Variants in SCFD2 observed in about 807,000 individuals in gnomAD.
SCFD2 encodes the protein sec1 family domain containing 2, also known as sec1 family domain-containing protein 2.
In SCFD2, 54 loss-of-function variants were observed where a neutral mutation model predicts 58.9. The ratio of observed to expected loss-of-function variants is 0.92; its 90% confidence interval spans 0.74 to 1.15. SCFD2 has a LOEUF of 1.15. Among genes scored for constraint, SCFD2 ranks in the 50% most tolerant of loss-of-function variants. The pLI, the probability that SCFD2 is intolerant of heterozygous loss-of-function variation, is 0.00. For synonymous variants in SCFD2, 321 were observed against 335.9 expected, an observed-to-expected ratio of 0.96 and a Z score of 0.49; for missense variants, 805 against 836.6, an observed-to-expected ratio of 0.96 and a Z score of 0.47.
intron 5 of SCFD2, among the ~76,000 whole-genome samples, chr4:53,072,841 T>C (rs1560323508): frequency 7.1e-6 from 1 of 140,378 alleles, no homozygotes; most frequent in East Asian, 2.2e-4. Flanking sequence ...AACTCACTCC[T>C]TGTGTGTCCG....
At chr4:52,880,507 C>G (rs1718583684) in intron 8 of SCFD2, among the ~76,000 whole-genome samples, 1 of 150,914 alleles carries the variant, frequency 6.6e-6, no homozygotes, top group Admixed American at 6.6e-5. Context: ...ATCCTAGCTA[C>G]TCGGGAGGCT....
chr4:52,928,795 C>A (rs936918565), intron 5 of SCFD2, among the ~76,000 whole-genome samples: 1 of 152,112 alleles, frequency 6.6e-6, no homozygotes, highest in South Asian at 2.1e-4. Context: ...ACTCTGGACT[C>A]GCCTTGCATG....
intron 4 of SCFD2, among the ~76,000 whole-genome samples, chr4:53,190,612 A>C (rs975802055): frequency 1.3e-5 from 2 of 151,232 alleles, no homozygotes; most frequent in Non-Finnish European, 2.9e-5. Context: ...TGATTCACTT[A>C]TTTATTTTCT....
At chr4:53,296,475 G>C (rs1035528301) in intron 3 of SCFD2, among the ~76,000 whole-genome samples, 1 of 152,122 alleles carries the variant, frequency 6.6e-6, no homozygotes, top group Non-Finnish European at 1.5e-5. Flanking sequence ...TGTGGGATCG[G>C]TGGTGATATA....
chr4:52,974,899 G>A (rs977698934), intron 5 of SCFD2, among the ~76,000 whole-genome samples: 6 of 152,076 alleles, frequency 3.9e-5, no homozygotes, highest in African/African-American at 1.4e-4. Context: ...TGACAAACCT[G>A]ACAAAAACAA....
At chr4:52,912,045 T>A (rs982200650) in intron 6 of SCFD2, among the ~76,000 whole-genome samples, 6 of 152,160 alleles carry the variant, frequency 3.9e-5, no homozygotes, top group Non-Finnish European at 5.9e-5. Flanking sequence ...ACCTTTCTTT[T>A]TTTTTCAAGC....
intron 5 of SCFD2, among the ~76,000 whole-genome samples, chr4:53,035,959 G>C (rs551170023): frequency 1.3e-5 from 2 of 152,158 alleles, no homozygotes; most frequent in Non-Finnish European, 2.9e-5. Context: ...CATTGACCCA[G>C]CAATCCCATT....
chr4:53,257,978 G>T (rs1164163953), intron 4 of SCFD2, among the ~76,000 whole-genome samples: 2 of 152,088 alleles, frequency 1.3e-5, no homozygotes, highest in African/African-American at 4.8e-5. Flanking sequence ...TTGGCTGCAA[G>T]AGAAACTTAA....
intron 3 of SCFD2, among the ~76,000 whole-genome samples, chr4:53,310,342 A>G (rs1312102614): frequency 6.6e-6 from 1 of 152,236 alleles, no homozygotes; most frequent in African/African-American, 2.4e-5. Flanking sequence ...CCCATTAAAC[A>G]CTGGGGAATA....
rs1728607211 is a variant in SCFD2, at chr4:53,211,342, G to A, written c.1311+62484C>T. Among the ~76,000 whole-genome samples the A allele has an allele frequency of 2.6e-5, 4 of 151,942 alleles. No individual in the cohort carries two copies. The South Asian group carries it at 8.3e-4, about 32-fold the overall frequency. On this transcript the variant is annotated intron_variant, in intron 4 of 8. Coordinates refer to ENST00000401642, the MANE Select transcript of SCFD2 (RefSeq NM_152540.4). The stretch of plus-strand genomic sequence containing the variant: ...ATGCACACCCAGGGTGGGCATGGAA[G>A]CTCCATTCCCCTTCCCCCATACCTT...
intron 4 of SCFD2, among the ~76,000 whole-genome samples, chr4:53,245,488 C>T (rs1161750292): frequency 2.0e-5 from 3 of 152,210 alleles, no homozygotes; most frequent in East Asian, 3.9e-4. Flanking sequence ...ATCATGCAAA[C>T]AGAACCAAAG....
chr4:53,178,525 T>C (rs867291022), intron 4 of SCFD2, among the ~76,000 whole-genome samples: 25 of 151,802 alleles, frequency 1.6e-4, no homozygotes, highest in African/African-American at 5.8e-4. Flanking sequence ...AGGCCAAAGG[T>C]AGATAAAACC....
chr4:53,334,907 A>G (rs1733627434), intron 2 of SCFD2, among the ~76,000 whole-genome samples: 1 of 152,164 alleles, frequency 6.6e-6, no homozygotes, highest in African/African-American at 2.4e-5. Context: ...GATGGGATGC[A>G]ATAAACAGGC....
At chr4:52,908,303 G>A (rs1243244621) in intron 6 of SCFD2, among the ~76,000 whole-genome samples, 3 of 152,170 alleles carry the variant, frequency 2.0e-5, no homozygotes, top group Non-Finnish European at 2.9e-5. Context: ...GGAGCCAGCC[G>A]CCTTATTGAC....
intron 5 of SCFD2, among the ~76,000 whole-genome samples, chr4:53,127,538 G>C (rs1725662796): frequency 6.6e-6 from 1 of 152,154 alleles, no homozygotes; most frequent in African/African-American, 2.4e-5. Context: ...AATAAACTTT[G>C]TTCACTTTAC....
At chr4:53,148,140 T>C (rs1380404138) in intron 4 of SCFD2, among the ~76,000 whole-genome samples, 1 of 152,202 alleles carries the variant, frequency 6.6e-6, no homozygotes, top group Non-Finnish European at 1.5e-5. Flanking sequence ...AGGGGCCCTC[T>C]GGGTCTCCCC....
At chr4:53,186,778 G>A (rs1727749357) in intron 4 of SCFD2, among the ~76,000 whole-genome samples, 1 of 151,876 alleles carries the variant, frequency 6.6e-6, no homozygotes, top group African/African-American at 2.4e-5. Context: ...ATGTTCAAGG[G>A]AGCCAGCTCT....
At chr4:53,063,485 A>C (rs555362206) in intron 5 of SCFD2, among the ~76,000 whole-genome samples, 217 of 152,270 alleles carry the variant, frequency 1.4e-3, no homozygotes, top group Non-Finnish European at 2.5e-3. Context: ...GCCTGATTTC[A>C]CTTTCATAAA....
chr4:53,111,017 T>C (rs1326696268), intron 5 of SCFD2, among the ~76,000 whole-genome samples: 1 of 152,124 alleles, frequency 6.6e-6, no homozygotes, highest in Non-Finnish European at 1.5e-5. Context: ...ATAAAAAGGA[T>C]GAGTTCATGT....
Sources: gnomAD v4.1 joint callset for allele counts (sites outside exome capture counted in the v4.1 genomes callset) on GRCh38, gnomAD v4.1.1 for gene constraint, MANE v1.5 for transcripts, NCBI Gene and HGNC (gene_info 2026-07-23, HGNC 2026-07-21) for gene names.